KSR2: variants seen among roughly 807,000 people sequenced by gnomAD.
KSR2 encodes kinase suppressor of ras 2.
A neutral mutation model predicts 107.8 loss-of-function variants in KSR2; 25 were observed. The ratio of observed to expected loss-of-function variants is 0.23; its 90% CI spans 0.17 to 0.32. The LOEUF is 0.32. KSR2 is among the 10% of genes least tolerant of loss of function. KSR2 has a pLI of 1.00. For synonymous variants in KSR2, 480 were observed against 507.0 expected (o/e 0.95, Z 0.71); for missense variants, 887 against 1,268.9 (o/e 0.70, Z 4.57).
At chr12:117,623,732 T>C (rs1171364860) in intron 5 of KSR2, among the ~76,000 whole-genome samples, 2 of 152,244 alleles carry the variant, frequency 1.3e-5, no homozygotes, top group African/African-American at 2.4e-5. Context: ...TATAATCCTT[T>C]GGGTATATAC....
intron 5 of KSR2, among the ~76,000 whole-genome samples, chr12:117,649,094 C>G (rs756852694): frequency 5.9e-5 from 9 of 152,210 alleles, no homozygotes; most frequent in Non-Finnish European, 1.0e-4. Flanking sequence ...ATGCAGATGG[C>G]ATCAATATGC....
chr12:117,647,593 T>C (rs1022685846), intron 5 of KSR2, among the ~76,000 whole-genome samples: 2 of 152,154 alleles, frequency 1.3e-5, no homozygotes, highest in African/African-American at 2.4e-5. Context: ...ATCCAAGTTA[T>C]CAAAGCTACA....
At chr12:117,668,663 T>A (rs1593111496) in intron 4 of KSR2, among the ~76,000 whole-genome samples, 1 of 151,908 alleles carries the variant, frequency 6.6e-6, no homozygotes, top group Admixed American at 6.6e-5. Context: ...TACAAAAGAG[T>A]CCTTTGGAGA....
Position 117,881,723 on chromosome 12 carries a change from C to T in KSR2, c.181-21292G>A, listed in dbSNP as rs76857275. Among the ~76,000 whole-genome samples, 1,484 of 152,326 alleles carry T rather than the reference C, an allele frequency of 9.7e-3. 23 individuals are homozygous for T. Among genetic ancestry groups the T allele is most frequent in the African/African-American group, 0.034 (1,410 of 41,570 alleles). ...CAGCTGGACAACAGCAGAGCTGACC[C>T]CAGCCTGTCTGGCTCCAAAGCTGCT... On this transcript the variant is annotated intron_variant, in intron 1 of 19. Coordinates refer to ENST00000339824, the MANE Select transcript of KSR2 (RefSeq NM_173598.6).
At chr12:117,467,812 T>C (rs1466423150) in intron 19 of KSR2, 1 of 430,746 alleles carries the variant, frequency 2.3e-6, no homozygotes, top group African/African-American at 2.2e-5. Flanking sequence ...TAAAAGATGT[T>C]CAGTACACAT....
chr12:117,929,525 G>A (rs1032816728), intron 1 of KSR2, among the ~76,000 whole-genome samples: 1 of 152,168 alleles, frequency 6.6e-6, no homozygotes, highest in African/African-American at 2.4e-5. Context: ...AAATTGCCCA[G>A]TCTTGGGTAT....
At chr12:117,760,966 A>C in intron 4 of KSR2, 45 bp downstream of exon 4, 1 of 1,609,808 alleles carries the variant, frequency 6.2e-7, no homozygotes, top group Non-Finnish European at 8.5e-7. Context: ...AGCCCCTCGC[A>C]GGCCGGGTTT....
chr12:117,772,249 CACAT>C (rs1889504128), intron 3 of KSR2, among the ~76,000 whole-genome samples: 2 of 142,200 alleles, frequency 1.4e-5, no homozygotes, highest in African/African-American at 5.4e-5. Context: ...CAAACACTCA[CACAT>C]ACACACCATT....
At chr12:117,952,202 C>T (rs368123922) in intron 1 of KSR2, among the ~76,000 whole-genome samples, 38 of 152,052 alleles carry the variant, frequency 2.5e-4, no homozygotes, top group African/African-American at 8.4e-4. Context: ...TACACATACA[C>T]ACCCACACAC....
intron 14 of KSR2, chr12:117,517,978 C>T (rs1284804291): frequency 2.5e-6 from 1 of 406,638 alleles, no homozygotes; most frequent in Non-Finnish European, 4.8e-6. Flanking sequence ...CAGCTTGGTG[C>T]TATTATATTT....
intron 14 of KSR2, among the ~76,000 whole-genome samples, chr12:117,503,278 A>G (rs1873487963): frequency 6.6e-6 from 1 of 152,196 alleles, no homozygotes; most frequent in Non-Finnish European, 1.5e-5. Context: ...GAAGGGTTAA[A>G]TTAGAAGATT....
In KSR2 at chr12:117,531,771, T is replaced by C. The variant is rs2137258199; in HGVS notation, c.1688-64A>G. ...GGGAGACATCGCTTCAGGGACCAGA[T>C]TGAGCTCTTACAGCCACCACATGGT... On this transcript the variant is annotated intron_variant, in intron 10 of 19. Transcript: ENST00000339824. The C allele has an allele frequency of 3.1e-6, 4 of 1,306,654 alleles. No individual in the cohort carries two copies. The South Asian group carries it at 4.0e-5, about 13-fold the overall frequency. The allele number at this position is 1,306,654 out of a possible 1,614,324, so 80.9% of individuals were successfully genotyped here.
At position 117,761,018 on chromosome 12, in the gene KSR2, T is replaced by A; in HGVS notation, c.979A>T (p.Thr327Ser). The change falls in exon 4 of 20, where the codon ACG becomes TCG. Residue 327 changes from threonine to serine, a missense_variant. Thr to Ser is a moderately conservative substitution (Grantham distance 58). Around this residue, in one of 8 missense-constraint regions of KSR2, gnomAD observed 399 missense variants for 479.5 expected, o/e 0.83. Coordinates refer to ENST00000339824, the MANE Select transcript of KSR2 (RefSeq NM_173598.6). Reference protein sequence around the residue: ...QLGHRVDEAHTPKAKKKSKPL... With the variant: ...QLGHRVDEAHSPKAKKKSKPL... Reference sequence around the variant, plus strand: ...CCCACCGATCGCACTCACTTGGGCGTGTGGGCCTCGTCCACGCGGTGCCCC... The same window carrying A: ...CCCACCGATCGCACTCACTTGGGCGAGTGGGCCTCGTCCACGCGGTGCCCC... 1 of 1,613,484 alleles carries A rather than the reference T, an allele frequency of 6.2e-7. No homozygotes were observed. The highest frequency in any genetic ancestry group is 8.5e-7 in the Non-Finnish European group (1 of 1,179,674).
At position 117,781,223 on chromosome 12, in the gene KSR2, C is replaced by T. The variant is rs975905608; in HGVS notation, c.473-19699G>A. 4.6e-5 allele frequency among the ~76,000 whole-genome samples: 7 copies of T among 152,176 alleles called. No homozygotes were observed. In the South Asian group the frequency reaches 8.3e-4, roughly 18 times the overall value. On this transcript the variant is annotated intron_variant, in intron 3 of 19. Transcript: ENST00000339824. ...CTTCCGCCATGATCGTGAGGCCTCC[C>T]AGTCATGTGGAATTGTGAGTCAATT...
chr12:117,588,712 A>G (rs1880148036), intron 5 of KSR2, among the ~76,000 whole-genome samples: 1 of 152,196 alleles, frequency 6.6e-6, no homozygotes, highest in Non-Finnish European at 1.5e-5. Flanking sequence ...AAGAAAGTAC[A>G]CATTATAACT....
intron 14 of KSR2, among the ~76,000 whole-genome samples, chr12:117,494,141 C>A (rs866783511): frequency 2.8e-4 from 43 of 152,168 alleles, no homozygotes; most frequent in African/African-American, 9.9e-4. Flanking sequence ...CATGGCCAGA[C>A]CTTCCCTTCC....
intron 5 of KSR2, among the ~76,000 whole-genome samples, chr12:117,600,274 C>T (rs545587629): frequency 9.2e-5 from 14 of 152,312 alleles, no homozygotes; most frequent in African/African-American, 2.6e-4. Context: ...CAAATCCTAA[C>T]GTGCAATCTT....
chr12:117,968,311 G>GA lies in KSR2; in HGVS notation c.-57_-56insT. 4.1e-6 allele frequency: 6 copies of GA among 1,456,370 alleles called. 1 individual carries two copies. Among genetic ancestry groups the GA allele is most frequent in the East Asian group, 2.5e-5 (1 of 39,952 alleles). 90.2% of individuals were successfully genotyped at this position (1,456,370 alleles called of 1,614,324 possible). On this transcript the variant is annotated 5_prime_UTR_variant, in exon 1 of 20. Coordinates refer to ENST00000339824, the MANE Select transcript of KSR2 (RefSeq NM_173598.6). ...CTCCTCCCAGAGAGAAAAAAGAGGG[G>GA]GGGGAGTAGAGGTAGTCTACCCTCC...
chr12:117,590,847 T>C (rs1304339447), intron 5 of KSR2, among the ~76,000 whole-genome samples: 1 of 152,150 alleles, frequency 6.6e-6, no homozygotes, highest in African/African-American at 2.4e-5. Context: ...CAAGTCCTGA[T>C]TTAGAGCTAT....
Sources: gnomAD v4.1 joint callset for allele counts (sites outside exome capture counted in the v4.1 genomes callset) on GRCh38, gnomAD v4.1.1 for gene constraint, gnomAD v4.1.1 regional missense constraint, MANE v1.5 for transcripts, NCBI Gene and HGNC (gene_info 2026-07-23, HGNC 2026-07-21) for gene names.